DTNB: variants seen among roughly 807,000 people sequenced by gnomAD.
DTNB encodes DTN-B.
A neutral mutation model predicts 90.7 loss-of-function variants in DTNB; 63 were observed. The observed-to-expected ratio is 0.69, with a 90% confidence interval of 0.57 to 0.86. DTNB has a LOEUF of 0.86. Ranked by LOEUF, DTNB falls within the 40% of genes least tolerant of loss-of-function variation. DTNB has a pLI of 0.00. For missense variants in DTNB, 744 were observed against 807.1 expected, an observed-to-expected ratio of 0.92 and a Z score of 0.95; for synonymous variants, 277 against 286.7, an observed-to-expected ratio of 0.97 and a Z score of 0.34.
intron 12 of DTNB, among the ~76,000 whole-genome samples, chr2:25,436,051 G>A (rs2055642196): frequency 6.6e-6 from 1 of 152,092 alleles, no homozygotes; most frequent in Non-Finnish European, 1.5e-5. Flanking sequence ...TAAGAATATG[G>A]TAGCCAGCAG....
intron 4 of DTNB, among the ~76,000 whole-genome samples, chr2:25,627,654 C>G (rs2074527335): frequency 6.6e-6 from 1 of 151,810 alleles, no homozygotes; most frequent in African/African-American, 2.4e-5. Flanking sequence ...CCACAATATT[C>G]CAGAGTTTAA....
At chr2:25,397,749 G>A (rs1334819124) in intron 16 of DTNB, among the ~76,000 whole-genome samples, 25 of 151,970 alleles carry the variant, frequency 1.6e-4, no homozygotes, top group African/African-American at 5.3e-4. Flanking sequence ...GCATGGTGGC[G>A]CATGCCTATA....
intron 8 of DTNB, among the ~76,000 whole-genome samples, chr2:25,569,820 G>A (rs772467253): frequency 5.9e-5 from 9 of 152,142 alleles, no homozygotes; most frequent in African/African-American, 1.7e-4. Context: ...AATGGTGGCC[G>A]GGCGTGGTGG....
At chr2:25,449,641 C>T (rs1022004113) in intron 12 of DTNB, among the ~76,000 whole-genome samples, 1 of 152,062 alleles carries the variant, frequency 6.6e-6, no homozygotes, top group Non-Finnish European at 1.5e-5. Flanking sequence ...AAGTCTTTTG[C>T]TCATTTTTTA....
chr2:25,503,053 C>CAAAAAAAAAAAAAAAAA (rs58871909), intron 9 of DTNB, among the ~76,000 whole-genome samples: 1 of 15,332 alleles, frequency 6.5e-5, no homozygotes, highest in Non-Finnish European at 1.3e-4. Flanking sequence ...GACCCTATCT[C>CAAAAAAAAAAAAAAAAA]AAAAAAAAAA....
intron 10 of DTNB, among the ~76,000 whole-genome samples, chr2:25,470,673 G>A (rs956799536): frequency 6.6e-6 from 1 of 152,056 alleles, no homozygotes; most frequent in Admixed American, 6.6e-5. Flanking sequence ...CACTGCACCC[G>A]GCCTGAAGAC....
intron 5 of DTNB, chr2:25,598,757 G>A (rs1484406473): frequency 2.6e-5 from 4 of 152,152 alleles, no homozygotes; most frequent in African/African-American, 7.2e-5. Flanking sequence ...CTAAAGAAGA[G>A]TAGGATAAAA....
intron 12 of DTNB, among the ~76,000 whole-genome samples, chr2:25,440,330 T>C (rs2057080775): frequency 6.6e-6 from 1 of 152,312 alleles, no homozygotes; most frequent in East Asian, 1.9e-4. Flanking sequence ...GAAAACCAAG[T>C]TGAATGAGTT....
At chr2:25,472,621 T>C (rs1318250262) in intron 10 of DTNB, among the ~76,000 whole-genome samples, 2 of 152,176 alleles carry the variant, frequency 1.3e-5, no homozygotes, top group African/African-American at 4.8e-5. Flanking sequence ...CAGTGGCTCA[T>C]GCCTGTAATC....
chr2:25,502,515 G>A (rs2071001231), intron 9 of DTNB, among the ~76,000 whole-genome samples: 2 of 151,798 alleles, frequency 1.3e-5, no homozygotes, highest in Admixed American at 6.6e-5. Context: ...GGAAGATCGC[G>A]AGGATCACTT....
At chr2:25,597,751 C>G (rs2064939128) in intron 5 of DTNB, among the ~76,000 whole-genome samples, 1 of 152,166 alleles carries the variant, frequency 6.6e-6, no homozygotes, top group Non-Finnish European at 1.5e-5. Flanking sequence ...TATTAAGTTC[C>G]TATTATGTGG....
intron 4 of DTNB, among the ~76,000 whole-genome samples, chr2:25,615,189 G>C (rs1302296347): frequency 6.6e-6 from 1 of 152,128 alleles, no homozygotes; most frequent in Non-Finnish European, 1.5e-5. Flanking sequence ...AGATGCATAG[G>C]GTGTGTTTTA....
chr2:25,444,389 G>A (rs1488915803), intron 12 of DTNB, among the ~76,000 whole-genome samples: 1 of 151,878 alleles, frequency 6.6e-6, no homozygotes, highest in Admixed American at 6.6e-5. Context: ...AAAATTAGCC[G>A]GGTGTGGTGG....
chr2:25,556,715 C>T lies in DTNB; in HGVS notation c.876+20123G>A, dbSNP rs369718781. Among the ~76,000 whole-genome samples, 12 of 152,024 alleles carry T rather than the reference C, an allele frequency of 7.9e-5. No individual in the cohort carries two copies. In the South Asian group the frequency reaches 1.7e-3, roughly 21 times the overall value. On this transcript the variant is annotated intron_variant, in intron 8 of 20. Coordinates refer to ENST00000406818, the MANE Select transcript of DTNB (RefSeq NM_021907.5). ...CCATGAAGAGACACATCAAACCACT[C>T]GGAGAATCAGAAAAAGTAGTGATAC... is the stretch of plus-strand genomic sequence containing the variant.
intron 10 of DTNB, among the ~76,000 whole-genome samples, chr2:25,481,135 G>A (rs911244501): frequency 6.6e-6 from 1 of 151,872 alleles, no homozygotes; most frequent in Non-Finnish European, 1.5e-5. Flanking sequence ...ATGGTGGCTC[G>A]TGCCCGTAAT....
intron 9 of DTNB, among the ~76,000 whole-genome samples, chr2:25,521,626 A>C (rs201488264): frequency 1.4e-5 from 1 of 72,666 alleles, no homozygotes. Flanking sequence ...TCCACTCCCA[A>C]CTCAAGTGAT....
At chr2:25,408,374 A>G (rs930882254) in intron 16 of DTNB, among the ~76,000 whole-genome samples, 1 of 151,326 alleles carries the variant, frequency 6.6e-6, no homozygotes, top group Non-Finnish European at 1.5e-5. Flanking sequence ...TACCTCCCCC[A>G]AAAAACCAAC....
intron 8 of DTNB, among the ~76,000 whole-genome samples, chr2:25,542,687 ATTTC>A (rs2081536966): frequency 6.6e-6 from 1 of 152,152 alleles, no homozygotes; most frequent in South Asian, 2.1e-4. Context: ...AGCAAATTCA[ATTTC>A]TTTAATAATT....
At chr2:25,567,355 T>C (rs548233089) in intron 8 of DTNB, among the ~76,000 whole-genome samples, 2 of 152,316 alleles carry the variant, frequency 1.3e-5, no homozygotes, top group Admixed American at 1.3e-4. Flanking sequence ...CTGACCAAGA[T>C]AAGTCAACAA....
Sources: allele counts gnomAD v4.1 joint callset (sites outside exome capture counted in the v4.1 genomes callset), GRCh38; gene constraint gnomAD v4.1.1; transcripts MANE v1.5; gene names NCBI Gene and HGNC (gene_info 2026-07-23, HGNC 2026-07-21).